Variants in BTBD9 observed in about 807,000 individuals in gnomAD.
The protein encoded by BTBD9 is BTB/POZ domain-containing protein 9.
In BTBD9, 49 loss-of-function variants were observed where a neutral mutation model predicts 64.3. The observed-to-expected ratio is 0.76, with a 90% CI of 0.61 to 0.97. The LOEUF is 0.97. Ranked by LOEUF, BTBD9 falls within the 50% of genes least tolerant of loss-of-function variation. BTBD9 has a pLI of 0.00. For missense variants in BTBD9, 598 were observed against 762.1 expected (o/e 0.78, Z 2.53); for synonymous variants, 260 against 274.7 (o/e 0.95, Z 0.53).
In BTBD9 at chr6:38,175,257, C is replaced by T; in HGVS notation, c.1642-75G>A. The T allele has an allele frequency of 2.7e-6, 4 of 1,490,792 alleles. No individual in the cohort carries two copies. The South Asian group carries it at 4.6e-5, about 17-fold the overall frequency. The allele number at this position is 1,490,792 out of a possible 1,614,324, so 92.3% of individuals were successfully genotyped here. On this transcript the variant is annotated intron_variant, in intron 10 of 10. Coordinates refer to ENST00000481247, the MANE Select transcript of BTBD9 (RefSeq NM_001099272.2). ...CCTGGAGTTGCCGCAAGTTGGGATA[C>T]TGCCCTGCCCAGCTTTGGGGGCCAC...
chr6:38,464,418 T>C (rs943318589), intron 6 of BTBD9, among the ~76,000 whole-genome samples: 6 of 152,162 alleles, frequency 3.9e-5, no homozygotes, highest in African/African-American at 1.2e-4. Context: ...TTGTCCTTTT[T>C]ATGGATTGCT....
At chr6:38,303,915 G>GTATATATA (rs145671357) in intron 7 of BTBD9, among the ~76,000 whole-genome samples, 123 of 128,976 alleles carry the variant, frequency 9.5e-4, no homozygotes, top group African/African-American at 3.1e-3. Flanking sequence ...GTATATATGT[G>GTATATATA]TATATATATA....
chr6:38,625,324 CTAAA>C (rs1307409650), intron 1 of BTBD9, among the ~76,000 whole-genome samples: 3 of 152,086 alleles, frequency 2.0e-5, no homozygotes, highest in African/African-American at 4.8e-5. Context: ...AAAGTACTTC[CTAAA>C]TTAATAAAAA....
In BTBD9 at chr6:38,256,468, C is replaced by T. The variant is rs1764582783; in HGVS notation, c.1503G>A (p.Glu501=). The T allele has an allele frequency of 3.1e-6, 5 of 1,614,086 alleles. No individual in the cohort carries two copies. The South Asian group carries it at 5.5e-5, about 18-fold the overall frequency. Residue 501 remains glutamate (E), a synonymous_variant, in exon 9 of 11, where the codon GAG becomes GAA. Transcript: ENST00000481247. ...CDDRSYSYYV[E]VSTNQQQWTM... ...TCCACTGTTGCTGGTTGGTAGAAAC[C>T]TCAACGTAGTAGCTATAGCTTCGAT...
chr6:38,406,583 C>A (rs947489099), intron 6 of BTBD9, among the ~76,000 whole-genome samples: 2 of 152,160 alleles, frequency 1.3e-5, no homozygotes, highest in Admixed American at 6.6e-5. Context: ...CTCTTACTCT[C>A]AAAAACAATG....
At chr6:38,510,408 G>A (rs1772723977) in intron 6 of BTBD9, among the ~76,000 whole-genome samples, 2 of 152,198 alleles carry the variant, frequency 1.3e-5, no homozygotes, top group African/African-American at 4.8e-5. Flanking sequence ...GTTGTTCTAG[G>A]TGAGTCAGCG....
At chr6:38,244,888 G>A (rs1187216627) in intron 9 of BTBD9, among the ~76,000 whole-genome samples, 35 of 152,210 alleles carry the variant, frequency 2.3e-4, no homozygotes, top group South Asian at 2.1e-4. Flanking sequence ...AGTTTACAAG[G>A]ACTACATCAC....
chr6:38,460,193 G>C (rs1320453696), intron 6 of BTBD9, among the ~76,000 whole-genome samples: 2 of 152,172 alleles, frequency 1.3e-5, no homozygotes. Context: ...TAGGCAGTAA[G>C]AAAATGTAAA....
rs369717611 is a variant in BTBD9 at position 38,385,193 on chromosome 6, CT to C, written c.1155-40101del. The stretch of plus-strand genomic sequence containing the variant: ...CAACTTGGTGTGAAAATCTTACGTA[CT>C]TTTTTTTTTTCTTTTGAGACAAAGT... On this transcript the variant is annotated intron_variant, in intron 6 of 10. Transcript: ENST00000481247. Among the ~76,000 whole-genome samples, 313 of 140,240 alleles carry C rather than the reference CT, an allele frequency of 2.2e-3. 1 individual carries two copies. Among genetic ancestry groups the C allele is most frequent in the African/African-American group, 6.7e-3 (254 of 37,918 alleles). The allele number at this position is 140,240 out of a possible 152,430, so 92.0% of individuals were successfully genotyped here.
At chr6:38,557,550 T>C (rs1470772406) in intron 6 of BTBD9, among the ~76,000 whole-genome samples, 5 of 152,172 alleles carry the variant, frequency 3.3e-5, no homozygotes, top group Non-Finnish European at 5.9e-5. Flanking sequence ...GTCTGGAAAA[T>C]TGTGGGCCTT....
intron 8 of BTBD9, among the ~76,000 whole-genome samples, chr6:38,266,596 GGAAAGAAAGGAAAGAAA>G (rs1393033066): frequency 4.1e-4 from 38 of 91,628 alleles, no homozygotes; most frequent in African/African-American, 8.7e-4. Context: ...AGGAAAGAAA[GGAAAGAAAGGAAAGAAA>G]GAAAGAAAGA....
At chr6:38,513,039 T>C (rs1772844069) in intron 6 of BTBD9, among the ~76,000 whole-genome samples, 1 of 152,202 alleles carries the variant, frequency 6.6e-6, no homozygotes, top group African/African-American at 2.4e-5. Flanking sequence ...TCCAAGGAGT[T>C]CTTAGTGCCC....
rs916730594 is a variant in BTBD9 at position 38,387,903 on chromosome 6, G to A, written c.1155-42810C>T. Among the ~76,000 whole-genome samples, 6 of 152,144 alleles carry A rather than the reference G, an allele frequency of 3.9e-5. No individual in the cohort carries two copies. The East Asian group carries it at 7.7e-4, about 20-fold the overall frequency. On this transcript the variant is annotated intron_variant, in intron 6 of 10. Transcript: ENST00000481247. Reference sequence around the variant, plus strand: ...AACCAAGAGAGAAAAATAACGGCCCGCTTCATTAGCATTCTATGTTCTCAG... The same window carrying A: ...AACCAAGAGAGAAAAATAACGGCCCACTTCATTAGCATTCTATGTTCTCAG...
At chr6:38,506,668 A>G (rs968734706) in intron 6 of BTBD9, among the ~76,000 whole-genome samples, 3 of 152,128 alleles carry the variant, frequency 2.0e-5, no homozygotes, top group African/African-American at 7.2e-5. Context: ...CTCCACCTCC[A>G]TTGCCACCAG....
At chr6:38,213,679 TA>T (rs977160078) in intron 9 of BTBD9, among the ~76,000 whole-genome samples, 135 of 151,954 alleles carry the variant, frequency 8.9e-4, no homozygotes, top group African/African-American at 2.9e-3. Context: ...AAAGTTGAAT[TA>T]AAAAAAATAA....
chr6:38,194,704 C>T (rs767644860), intron 9 of BTBD9, among the ~76,000 whole-genome samples: 1 of 152,034 alleles, frequency 6.6e-6, no homozygotes, highest in Non-Finnish European at 1.5e-5. Flanking sequence ...AGTGAGGTCT[C>T]GCTGGGAGCC....
chr6:38,566,625 G>A (rs755898211), intron 6 of BTBD9, among the ~76,000 whole-genome samples: 3 of 152,108 alleles, frequency 2.0e-5, no homozygotes, highest in Non-Finnish European at 4.4e-5. Flanking sequence ...CGAAATATTC[G>A]TTGACAGCTG....
At chr6:38,399,811 G>A (rs2127631528) in intron 6 of BTBD9, among the ~76,000 whole-genome samples, 1 of 152,170 alleles carries the variant, frequency 6.6e-6, no homozygotes, top group East Asian at 1.9e-4. Flanking sequence ...GAGTGCAACG[G>A]CGCAGTCTCA....
Position 38,275,030 on chromosome 6 carries a change from G to A in BTBD9, c.1454+13242C>T, listed in dbSNP as rs527526581. Among the ~76,000 whole-genome samples, 1,013 of 152,098 alleles carry A rather than the reference G, an allele frequency of 6.7e-3. 9 individuals are homozygous for A. Among genetic ancestry groups the A allele is most frequent in the African/African-American group, 0.023 (941 of 41,474 alleles). On this transcript the variant is annotated intron_variant, in intron 8 of 10. Transcript: ENST00000481247. ...TTCATATGGAACCAAAAAAGAGCCC[G>A]CATCGCCAAGTCAATCCTAAGCCAA...
Sources: gnomAD v4.1 joint callset for allele counts (sites outside exome capture counted in the v4.1 genomes callset) on GRCh38, gnomAD v4.1.1 for gene constraint, MANE v1.5 for transcripts, NCBI Gene and HGNC (gene_info 2026-07-23, HGNC 2026-07-21) for gene names.